Variants in CTNNA2 observed in about 807,000 individuals in gnomAD.
CTNNA2 encodes catenin alpha 2, also known as catenin alpha-2.
CTNNA2 carries 42 observed loss-of-function variants against 101.0 expected under a neutral mutation model. That is an observed-to-expected ratio of 0.42 (90% CI 0.32 to 0.54). The LOEUF is 0.54. Among genes scored for constraint, CTNNA2 ranks in the 20% least tolerant of loss-of-function variants. The probability of loss-of-function intolerance (pLI) is 0.14; values close to 1 mark genes in which losing one functional copy is unlikely to be tolerated. For synonymous variants in CTNNA2, 450 were observed against 456.4 expected (o/e 0.99, Z 0.18); for missense variants, 871 against 1,223.1 (o/e 0.71, Z 4.29).
intron 4 of CTNNA2, among the ~76,000 whole-genome samples, chr2:79,402,149 A>C (rs959533467): frequency 1.3e-5 from 2 of 151,830 alleles, no homozygotes; most frequent in Non-Finnish European, 3.0e-5. Context: ...AAGAGTCCAA[A>C]AATGCCTTAA....
At chr2:80,589,528 C>T in intron 15 of CTNNA2, 43 bp downstream of exon 15, 1 of 1,590,304 alleles carries the variant, frequency 6.3e-7, no homozygotes, top group Non-Finnish European at 8.6e-7. Context: ...TTCATTAAAC[C>T]CAGAAGTGTA....
rs567217035 is a variant in CTNNA2, at chr2:79,375,022, T to C, written c.-135+1009T>C. Reference sequence around the variant, plus strand: ...AATGAAGTGACGATTTTCAGCATAATAGAGTTGCTCATTTTTGGAACATCC... The same window carrying C: ...AATGAAGTGACGATTTTCAGCATAACAGAGTTGCTCATTTTTGGAACATCC... On this transcript the variant is annotated intron_variant, in intron 4 of 21. Transcript: ENST00000466387. Among the ~76,000 whole-genome samples the C allele has an allele frequency of 2.0e-5, 3 of 152,304 alleles. No individual in the cohort carries two copies. The East Asian group carries it at 5.8e-4, about 29-fold the overall frequency.
At chr2:79,752,370 G>A (rs1401586891) in intron 3 of CTNNA2, among the ~76,000 whole-genome samples, 3 of 152,196 alleles carry the variant, frequency 2.0e-5, no homozygotes, top group Non-Finnish European at 4.4e-5. Flanking sequence ...AGTCATATCA[G>A]AGTGTTCAGA....
At chr2:80,543,311 A>G (rs1691742638) in intron 9 of CTNNA2, among the ~76,000 whole-genome samples, 1 of 152,204 alleles carries the variant, frequency 6.6e-6, no homozygotes, top group Non-Finnish European at 1.5e-5. Flanking sequence ...CCCACATCTA[A>G]GAACCTTCCT....
At chr2:79,811,782 C>A (rs969512872) in intron 3 of CTNNA2, among the ~76,000 whole-genome samples, 1 of 152,024 alleles carries the variant, frequency 6.6e-6, no homozygotes, top group Non-Finnish European at 1.5e-5. Flanking sequence ...ATGATTCATC[C>A]TGGGATTATA....
intron 7 of CTNNA2, chr2:80,288,279 T>C (rs755730708): frequency 3.3e-5 from 5 of 152,166 alleles, no homozygotes; most frequent in Non-Finnish European, 7.3e-5. Context: ...AAGAAGTAAA[T>C]TTTATGTCAA....
intron 1 of CTNNA2, among the ~76,000 whole-genome samples, chr2:79,602,373 T>G (rs1332891555): frequency 6.6e-6 from 1 of 151,966 alleles, no homozygotes; most frequent in Non-Finnish European, 1.5e-5. Context: ...TCTAAAACAG[T>G]AGGTATCACA....
intron 7 of CTNNA2, among the ~76,000 whole-genome samples, chr2:80,172,048 GA>G (rs1252135473): frequency 6.6e-6 from 1 of 152,138 alleles, no homozygotes; most frequent in Non-Finnish European, 1.5e-5. Flanking sequence ...AGAAATCATA[GA>G]AAAGGCAAGC....
intron 7 of CTNNA2, among the ~76,000 whole-genome samples, chr2:80,136,707 T>G (rs1456572903): frequency 6.6e-6 from 1 of 152,182 alleles, no homozygotes; most frequent in Non-Finnish European, 1.5e-5. Flanking sequence ...AGCAGGGCCA[T>G]TGATCTTTAT....
intron 2 of CTNNA2, among the ~76,000 whole-genome samples, chr2:79,307,221 G>A (rs138267680): frequency 2.0e-4 from 30 of 152,198 alleles, no homozygotes; most frequent in Admixed American, 6.5e-4. Context: ...CTCAAATGTC[G>A]ATCACTTCTT....
At chr2:80,640,651 G>C (rs3770378) in intron 18 of CTNNA2, among the ~76,000 whole-genome samples, 84,701 of 151,982 alleles carry the variant, frequency 0.56, 23,838 homozygotes, top group East Asian at 0.69. Flanking sequence ...CATCAAATAG[G>C]TCTTCAAAGC....
At chr2:80,643,600 C>T (rs2149862434) in intron 18 of CTNNA2, among the ~76,000 whole-genome samples, 1 of 152,232 alleles carries the variant, frequency 6.6e-6, no homozygotes. Context: ...AAAGGCCTGT[C>T]ACTGTAATTC....
intron 2 of CTNNA2, among the ~76,000 whole-genome samples, chr2:79,199,459 T>C (rs1008206776): frequency 6.6e-6 from 1 of 152,218 alleles, no homozygotes; most frequent in Admixed American, 6.5e-5. Flanking sequence ...GTAAGACTTC[T>C]AGGAAAGCAT....
At chr2:80,607,200 T>G (rs1347712843) in intron 16 of CTNNA2, among the ~76,000 whole-genome samples, 1 of 151,892 alleles carries the variant, frequency 6.6e-6, no homozygotes, top group Non-Finnish European at 1.5e-5. Flanking sequence ...ATACTTCAGT[T>G]GTGGCTGTAG....
chr2:79,879,136 G>A (rs1279758613), intron 6 of CTNNA2, among the ~76,000 whole-genome samples: 2 of 152,124 alleles, frequency 1.3e-5, no homozygotes, highest in Admixed American at 6.5e-5. Flanking sequence ...TTGTAGATGT[G>A]TGGTGTTATT....
At chr2:80,167,635 T>C (rs1704789955) in intron 7 of CTNNA2, among the ~76,000 whole-genome samples, 1 of 152,214 alleles carries the variant, frequency 6.6e-6, no homozygotes, top group Non-Finnish European at 1.5e-5. Context: ...CTAACCAAAA[T>C]TTGCTTAAGC....
rs957730603 is a variant in CTNNA2 at position 80,226,697 on chromosome 2, C to T, written c.1057-166514C>T. Reference sequence around the variant, plus strand: ...GGGAAGCCTTTTCGTACAGGAAGGACCTGATGGAGGTCCTGAGTGACAAAT... The same window carrying T: ...GGGAAGCCTTTTCGTACAGGAAGGATCTGATGGAGGTCCTGAGTGACAAAT... On this transcript the variant is annotated intron_variant, in intron 7 of 18. Transcript: ENST00000402739. 2.0e-5 allele frequency among the ~76,000 whole-genome samples: 3 copies of T among 152,182 alleles called. No individual in the cohort carries two copies. In the East Asian group the frequency reaches 5.8e-4, roughly 29 times the overall value.
At chr2:79,469,342 C>A (rs1475792517) in intron 4 of CTNNA2, among the ~76,000 whole-genome samples, 1 of 152,142 alleles carries the variant, frequency 6.6e-6, no homozygotes, top group Non-Finnish European at 1.5e-5. Flanking sequence ...GAAGTTCAAT[C>A]TCTGAATAGA....
intron 5 of CTNNA2, 74 bp downstream of exon 5, chr2:79,870,009 A>G: frequency 6.5e-7 from 1 of 1,540,104 alleles, no homozygotes; most frequent in Non-Finnish European, 8.8e-7. Flanking sequence ...TTAGGCCTGA[A>G]CAATGGATCA....
Sources: gnomAD v4.1 joint callset for allele counts (sites outside exome capture counted in the v4.1 genomes callset) on GRCh38, gnomAD v4.1.1 for gene constraint, MANE v1.5 for transcripts, NCBI Gene and HGNC (gene_info 2026-07-23, HGNC 2026-07-21) for gene names.